The following NDUFS4 variants were observed in gnomAD, a reference collection of about 807,000 sequenced individuals.
NDUFS4 encodes the protein NADH dehydrogenase [ubiquinone] iron-sulfur protein 4, mitochondrial.
In NDUFS4, 28 loss-of-function variants were observed where a neutral mutation model predicts 24.3. That is an observed-to-expected ratio of 1.15 (90% CI 0.85 to 1.58). The LOEUF (loss-of-function observed/expected upper bound fraction) is 1.58, where lower values mean the gene tolerates loss of function less well. Among genes scored for constraint, NDUFS4 ranks in the 40% most tolerant of loss-of-function variants. The pLI is 0.00. For synonymous variants in NDUFS4, 93 were observed against 69.7 expected (o/e 1.34, Z -1.67); for missense variants, 223 against 207.9 (o/e 1.07, Z -0.45).
intron 4 of NDUFS4, among the ~76,000 whole-genome samples, chr5:53,668,814 T>G (rs1339031665): frequency 6.6e-6 from 1 of 152,026 alleles, no homozygotes; most frequent in African/African-American, 2.4e-5. Flanking sequence ...GGGTAATAAG[T>G]ATTGTCACCA....
chr5:53,593,597 G>A (rs1281993055), intron 1 of NDUFS4, among the ~76,000 whole-genome samples: 2 of 138,682 alleles, frequency 1.4e-5, no homozygotes, highest in African/African-American at 5.2e-5. Flanking sequence ...GGTTTATGTT[G>A]CCCTTTTTTT....
At chr5:53,619,919 A>G (rs945181810) in intron 2 of NDUFS4, among the ~76,000 whole-genome samples, 2 of 152,184 alleles carry the variant, frequency 1.3e-5, no homozygotes, top group Admixed American at 1.3e-4. Flanking sequence ...ACTATACGCA[A>G]TGCTAGAATG....
In NDUFS4 at chr5:53,560,708, C is replaced by G. The variant is rs752032370; in HGVS notation, c.46C>G (p.Arg16Gly). 2 of 1,614,220 alleles carry G rather than the reference C, an allele frequency of 1.2e-6. No individual in the cohort carries two copies. The highest frequency in any genetic ancestry group is 2.2e-5 in the South Asian group (2 of 91,078). The change falls in exon 1 of 5, where the codon CGG (arginine) becomes GGG (glycine). Residue 16 changes from arginine to glycine, a missense_variant. By Grantham distance (125) the Arg-to-Gly change is moderately radical (BLOSUM62 -2). Transcript: ENST00000296684. The part of the protein sequence containing the change: ...MSVVLRQTLW[R>G]RRAVAVAALS... The stretch of plus-strand genomic sequence containing the variant: ...AGTGGTACTGAGGCAGACGTTGTGG[C>G]GGAGAAGGGCAGTGGCTGTAGCTGC...
At chr5:53,579,361 A>G (rs1749483034) in intron 1 of NDUFS4, among the ~76,000 whole-genome samples, 1 of 152,190 alleles carries the variant, frequency 6.6e-6, no homozygotes, top group South Asian at 2.1e-4. Context: ...TGAACCCACC[A>G]TCCAATTTAC....
At chr5:53,618,343 C>G (rs1241098029) in intron 2 of NDUFS4, among the ~76,000 whole-genome samples, 1 of 151,832 alleles carries the variant, frequency 6.6e-6, no homozygotes, top group Non-Finnish European at 1.5e-5. Flanking sequence ...CCTTTTTTTG[C>G]TACTTGGAGT....
intron 1 of NDUFS4, among the ~76,000 whole-genome samples, chr5:53,593,382 C>G (rs1252662920): frequency 6.6e-6 from 1 of 150,912 alleles, no homozygotes; most frequent in African/African-American, 2.4e-5. Flanking sequence ...ATACCTGTTT[C>G]ATTTTATATA....
At chr5:53,599,929 A>G (rs1750258094) in intron 1 of NDUFS4, among the ~76,000 whole-genome samples, 1 of 152,172 alleles carries the variant, frequency 6.6e-6, no homozygotes, top group South Asian at 2.1e-4. Context: ...TATTTACTGT[A>G]TAATTCATGT....
intron 2 of NDUFS4, among the ~76,000 whole-genome samples, chr5:53,604,450 T>C (rs1048963554): frequency 6.6e-6 from 1 of 152,220 alleles, no homozygotes; most frequent in Non-Finnish European, 1.5e-5. Context: ...TTTAAAATTA[T>C]CTCTTCAGTT....
intron 1 of NDUFS4, among the ~76,000 whole-genome samples, chr5:53,570,975 C>T (rs1470613173): frequency 1.3e-5 from 2 of 151,954 alleles, no homozygotes; most frequent in African/African-American, 4.8e-5. Context: ...TGAGCCACGG[C>T]GCCCGGCTGT....
At chr5:53,647,064 C>T (rs1751888693) in intron 3 of NDUFS4, among the ~76,000 whole-genome samples, 1 of 151,046 alleles carries the variant, frequency 6.6e-6, no homozygotes, top group Non-Finnish European at 1.5e-5. Context: ...CAATAAACTT[C>T]TTTGTAATAT....
At chr5:53,660,400 T>G (rs1329042630) in intron 4 of NDUFS4, among the ~76,000 whole-genome samples, 1 of 152,144 alleles carries the variant, frequency 6.6e-6, no homozygotes. Flanking sequence ...AGTCTATCAT[T>G]GTTGGACATT....
At chr5:53,594,410 C>G (rs1289231420) in intron 1 of NDUFS4, among the ~76,000 whole-genome samples, 1 of 151,978 alleles carries the variant, frequency 6.6e-6, no homozygotes, top group Non-Finnish European at 1.5e-5. Flanking sequence ...TACTTTTAGT[C>G]TGTGTCTTTA....
chr5:53,592,957 T>A (rs1157239055), intron 1 of NDUFS4, among the ~76,000 whole-genome samples: 1 of 152,192 alleles, frequency 6.6e-6, no homozygotes, highest in Non-Finnish European at 1.5e-5. Context: ...TGCTAATATC[T>A]GTTAAGAATT....
chr5:53,574,676 A>T (rs1749326960), intron 1 of NDUFS4, among the ~76,000 whole-genome samples: 1 of 152,174 alleles, frequency 6.6e-6, no homozygotes. Flanking sequence ...TTGGTTCAAA[A>T]TATTTTATTT....
chr5:53,666,591 C>A (rs571709183), intron 4 of NDUFS4, among the ~76,000 whole-genome samples: 141 of 152,286 alleles, frequency 9.3e-4, no homozygotes, highest in African/African-American at 3.2e-3. Context: ...TAGCACAAAA[C>A]CTGACATATA....
At chr5:53,616,307 T>C (rs1750838011) in intron 2 of NDUFS4, among the ~76,000 whole-genome samples, 1 of 152,138 alleles carries the variant, frequency 6.6e-6, no homozygotes, top group Non-Finnish European at 1.5e-5. Flanking sequence ...TTCTCATGCT[T>C]AAGCATATGC....
intron 1 of NDUFS4, among the ~76,000 whole-genome samples, chr5:53,576,775 C>T (rs576365197): frequency 1.1e-4 from 16 of 152,246 alleles, no homozygotes; most frequent in South Asian, 4.1e-4. Flanking sequence ...GTGTTATCTT[C>T]GGGAAACAAA....
intron 1 of NDUFS4, among the ~76,000 whole-genome samples, chr5:53,588,033 G>A (rs985186251): frequency 6.6e-6 from 1 of 152,178 alleles, no homozygotes; most frequent in Non-Finnish European, 1.5e-5. Context: ...ATAAGTGATT[G>A]TTGTACAGGC....
chr5:53,591,308 G>A (rs1749948311), intron 1 of NDUFS4, among the ~76,000 whole-genome samples: 1 of 152,018 alleles, frequency 6.6e-6, no homozygotes, highest in Non-Finnish European at 1.5e-5. Context: ...TGAAGCTGCT[G>A]GATTATATGG....
Sources: allele counts gnomAD v4.1 joint callset (sites outside exome capture counted in the v4.1 genomes callset), GRCh38; gene constraint gnomAD v4.1.1; transcripts MANE v1.5; gene names NCBI Gene and HGNC (gene_info 2026-07-23, HGNC 2026-07-21).